The following ERICH1 variants were observed in gnomAD, a reference collection of about 807,000 sequenced individuals.
ERICH1 encodes the protein glutamate-rich protein 1.
Under a neutral mutation model 39.6 loss-of-function variants are expected in ERICH1, and 56 were observed. The observed-to-expected ratio is 1.41, with a 90% CI of 1.14 to 1.77. The LOEUF is 1.77. ERICH1 is among the 40% of genes most tolerant of loss of function. ERICH1 has a pLI of 0.00. For missense variants in ERICH1, 826 were observed against 575.4 expected, an observed-to-expected ratio of 1.44 and a Z score of -4.45; for synonymous variants, 313 against 223.6, an observed-to-expected ratio of 1.40 and a Z score of -3.57.
downstream of ERICH1, among the ~76,000 whole-genome samples, chr8:661,286 C>A (rs1801391821): frequency 6.6e-6 from 1 of 152,138 alleles, no homozygotes; most frequent in Non-Finnish European, 1.5e-5. Context: ...ACCCTGTGGG[C>A]CCTGGAGTCT....
At chr8:650,010 C>T (rs1340700273) in intron 3 of ERICH1, among the ~76,000 whole-genome samples, 1 of 152,342 alleles carries the variant, frequency 6.6e-6, no homozygotes, top group Admixed American at 6.5e-5. Flanking sequence ...CCGGACCGCG[C>T]CCGGCGAGGG....
chr8:695,780 C>A (rs1469368507), intron 2 of ERICH1, among the ~76,000 whole-genome samples: 7 of 145,134 alleles, frequency 4.8e-5, no homozygotes, highest in Admixed American at 1.4e-4. Flanking sequence ...CCTCTCCTTC[C>A]TCCCCATCAA....
rs185915704 is a variant in ERICH1, at chr8:642,545, T to A, written c.976+26053A>T. On this transcript the variant is annotated intron_variant, in intron 3 of 3. Coordinates refer to the ERICH1 transcript ENST00000522706. ...ATTTTTAGTAGAGACGGGGTTTCAC[T>A]GTGTTAGCCAGGATGGTCTCGATCT... 4.5e-3 allele frequency among the ~76,000 whole-genome samples: 681 copies of A among 151,882 alleles called. 1 individual carries two copies. The highest frequency in any genetic ancestry group is 6.7e-3 in the Non-Finnish European group (455 of 67,936).
chr8:629,645 T>A (rs1346575457), intron 3 of ERICH1, among the ~76,000 whole-genome samples: 6 of 127,064 alleles, frequency 4.7e-5, no homozygotes, highest in African/African-American at 1.3e-4. Context: ...CAGAGCTGAC[T>A]CACACCCGCC....
At chr8:712,442 G>A (rs373412353) in intron 2 of ERICH1, among the ~76,000 whole-genome samples, 1 of 142,788 alleles carries the variant, frequency 7.0e-6, no homozygotes, top group African/African-American at 2.5e-5. Context: ...GTTTTGTTTT[G>A]TTTTTGAGAC....
intron 3 of ERICH1, among the ~76,000 whole-genome samples, chr8:686,277 C>T (rs1246737880): frequency 1.3e-5 from 2 of 152,208 alleles, no homozygotes; most frequent in Admixed American, 6.5e-5. Context: ...AACACATTCA[C>T]TTCAAGCTAA....
intron 1 of ERICH1, among the ~76,000 whole-genome samples, chr8:730,311 T>C (rs958861407): frequency 6.6e-6 from 1 of 152,238 alleles, no homozygotes; most frequent in Non-Finnish European, 1.5e-5. Flanking sequence ...GAGAAATTTT[T>C]TCTTTTTAAG....
At chr8:626,940 C>G (rs1376278470) in intron 3 of ERICH1, 1 of 359,044 alleles carries the variant, frequency 2.8e-6, no homozygotes, top group Non-Finnish European at 5.7e-6. Flanking sequence ...AGCTGGGACC[C>G]TCTGGAACCC....
At chr8:624,035 T>A (rs76499496) in intron 3 of ERICH1, among the ~76,000 whole-genome samples, 1 of 152,072 alleles carries the variant, frequency 6.6e-6, no homozygotes, top group Non-Finnish European at 1.5e-5. Context: ...AATAAATAAA[T>A]AACTTTTACA....
chr8:671,972 C>A (rs1317620280), intron 4 of ERICH1: 1 of 157,920 alleles, frequency 6.3e-6, no homozygotes, highest in Non-Finnish European at 1.4e-5. Context: ...TTCTGCCTCT[C>A]TGGGCTCCAC....
At chr8:631,310 G>A (rs1798024408) in intron 3 of ERICH1, among the ~76,000 whole-genome samples, 1 of 152,242 alleles carries the variant, frequency 6.6e-6, no homozygotes, top group Admixed American at 6.5e-5. Flanking sequence ...AAAGTGTCAG[G>A]AGTTGGCTGT....
chr8:729,716 T>C (rs1034186424), intron 1 of ERICH1, among the ~76,000 whole-genome samples: 2 of 151,836 alleles, frequency 1.3e-5, no homozygotes, highest in Admixed American at 6.5e-5. Context: ...CTGTCACATA[T>C]CCAATAGGAA....
At chr8:615,729 G>C (rs1420773394) in intron 3 of ERICH1, 2 of 154,280 alleles carry the variant, frequency 1.3e-5, no homozygotes, top group African/African-American at 2.4e-5. Context: ...AGGTTTACTC[G>C]AGTGAGAATT....
chr8:703,141 C>T (rs1038329615), intron 2 of ERICH1, among the ~76,000 whole-genome samples: 2 of 152,156 alleles, frequency 1.3e-5, no homozygotes, highest in East Asian at 1.9e-4. Flanking sequence ...CAGGAGCATT[C>T]GGGGAGGGAA....
At chr8:649,887 C>T (rs1799726007) in intron 3 of ERICH1, among the ~76,000 whole-genome samples, 1 of 152,192 alleles carries the variant, frequency 6.6e-6, no homozygotes, top group Non-Finnish European at 1.5e-5. Flanking sequence ...GGAGCAGTGG[C>T]CCCAGGTTGG....
intron 3 of ERICH1, chr8:615,968 G>T (rs1228993965): frequency 1.3e-5 from 2 of 152,660 alleles, no homozygotes; most frequent in African/African-American, 4.8e-5. Context: ...TTTTCCAGAT[G>T]ATGTAGATTG....
intron 3 of ERICH1, among the ~76,000 whole-genome samples, chr8:651,103 C>T (rs1227606948): frequency 1.3e-5 from 2 of 152,204 alleles, no homozygotes; most frequent in Admixed American, 6.5e-5. Context: ...CACATCTTGC[C>T]ATGGCTTGAT....
At chr8:681,296 G>A (rs1328839738) in intron 3 of ERICH1, among the ~76,000 whole-genome samples, 2 of 152,166 alleles carry the variant, frequency 1.3e-5, no homozygotes, top group Non-Finnish European at 1.5e-5. Flanking sequence ...CTGGACAATG[G>A]AGCACTGTAA....
chr8:621,715 G>C (rs1194457697), intron 3 of ERICH1, among the ~76,000 whole-genome samples: 1 of 151,990 alleles, frequency 6.6e-6, no homozygotes, highest in Non-Finnish European at 1.5e-5. Flanking sequence ...ACGAAAGAAA[G>C]AGAGGGACTA....
Sources: gnomAD v4.1 joint callset for allele counts (sites outside exome capture counted in the v4.1 genomes callset) on GRCh38, gnomAD v4.1.1 for gene constraint, MANE v1.5 for transcripts, NCBI Gene and HGNC (gene_info 2026-07-23, HGNC 2026-07-21) for gene names.